RNF130: variants seen among roughly 807,000 people sequenced by gnomAD.
RNF130 encodes the protein ring finger protein 130.
RNF130 carries 21 observed loss-of-function variants against 44.6 expected under a neutral mutation model. The ratio of observed to expected loss-of-function variants is 0.47; its 90% CI spans 0.33 to 0.68. The LOEUF is 0.68. RNF130 is among the 30% of genes least tolerant of loss of function. The probability of loss-of-function intolerance (pLI) is 0.02; values close to 1 mark genes in which losing one functional copy is unlikely to be tolerated. For missense variants in RNF130, 479 were observed against 560.6 expected, an observed-to-expected ratio of 0.85 and a Z score of 1.47; for synonymous variants, 214 against 210.4, an observed-to-expected ratio of 1.02 and a Z score of -0.15.
Position 179,977,575 on chromosome 5 carries a change from G to A in RNF130, c.848+628C>T, listed in dbSNP as rs1452393512. Among the ~76,000 whole-genome samples, 1 of 152,184 alleles carries A rather than the reference G, an allele frequency of 6.6e-6. No homozygotes were observed. The highest frequency in any genetic ancestry group is 2.4e-5 in the African/African-American group (1 of 41,440). ...ACCCCATCTTTAAAGAAAACAGGCC[G>A]GGTGCGGTGGCTCACGCCTGTAATC... is the stretch of plus-strand genomic sequence containing the variant. On this transcript the variant is annotated intron_variant, in intron 5 of 8. Transcript: ENST00000521389. This position sits in a 1 kb window ranked among gnomAD's most constrained non-coding sequence, Gnocchi z 4.1.
At chr5:179,945,253 C>G (rs1762020821) in intron 7 of RNF130, among the ~76,000 whole-genome samples, 1 of 152,090 alleles carries the variant, frequency 6.6e-6, no homozygotes, top group South Asian at 2.1e-4. Context: ...GAGCAAGGCT[C>G]AGTCCCACAC....
At chr5:179,928,780 C>T (rs1269117793) in intron 7 of RNF130, among the ~76,000 whole-genome samples, 1 of 152,072 alleles carries the variant, frequency 6.6e-6, no homozygotes, top group Non-Finnish European at 1.5e-5. Flanking sequence ...AGGCGCCCAC[C>T]ACCACGCCTG....
chr5:179,985,301 T>C (rs1417347530), intron 3 of RNF130, among the ~76,000 whole-genome samples: 1 of 152,120 alleles, frequency 6.6e-6, no homozygotes, highest in Non-Finnish European at 1.5e-5. Context: ...TCATGGCATT[T>C]CCTATAATAA....
chr5:179,957,916 C>T lies in RNF130; in HGVS notation c.1245-2247G>A, dbSNP rs552374912. On this transcript the variant is annotated intron_variant, in intron 8 of 8. Transcript: ENST00000521389. ...TTTTTGAGACGGAGTCTCGCTCTGT[C>T]GCCCAGGCTGGAGTGCAGTGGCGGG... 8.7e-4 allele frequency among the ~76,000 whole-genome samples: 131 copies of T among 150,682 alleles called. 1 individual carries two copies. The East Asian group carries it at 0.014, about 17-fold the overall frequency.
At chr5:180,008,514 A>G (rs1763513194) in intron 3 of RNF130, among the ~76,000 whole-genome samples, 1 of 152,200 alleles carries the variant, frequency 6.6e-6, no homozygotes, top group Non-Finnish European at 1.5e-5. Flanking sequence ...ACTTCAAGAA[A>G]CAGAAGAGAA....
At chr5:179,940,458 C>T (rs955994212) in intron 7 of RNF130, among the ~76,000 whole-genome samples, 3 of 151,916 alleles carry the variant, frequency 2.0e-5, no homozygotes, top group Non-Finnish European at 4.4e-5. Flanking sequence ...AGGCTGGTCT[C>T]GAACTCCTGA....
At chr5:179,963,121 G>A (rs1461513114) in intron 8 of RNF130, among the ~76,000 whole-genome samples, 1 of 152,244 alleles carries the variant, frequency 6.6e-6, no homozygotes, top group Non-Finnish European at 1.5e-5. Context: ...TGAACGCAAA[G>A]TGGGCTCTTC....
chr5:179,986,314 CTCTA>C (rs1561681323), intron 3 of RNF130, among the ~76,000 whole-genome samples: 1 of 152,182 alleles, frequency 6.6e-6, no homozygotes. Context: ...AGCTGAAGAC[CTCTA>C]TCTATGGTAC....
intron 1 of RNF130, among the ~76,000 whole-genome samples, chr5:180,042,728 C>T (rs968894544): frequency 6.6e-6 from 1 of 152,194 alleles, no homozygotes; most frequent in Admixed American, 6.5e-5. Flanking sequence ...TGGAAGAAAA[C>T]GCAAAATCAA....
intron 1 of RNF130, among the ~76,000 whole-genome samples, chr5:180,068,217 G>A (rs1169146302): frequency 6.6e-6 from 1 of 152,208 alleles, no homozygotes; most frequent in African/African-American, 2.4e-5. Context: ...CACACATAAA[G>A]CACATTTACA....
chr5:179,955,300 C>T lies in RNF130; in HGVS notation c.*354G>A, dbSNP rs1279076740. On this transcript the variant is annotated 3_prime_UTR_variant, in exon 9 of 9. Transcript: ENST00000521389. The stretch of plus-strand genomic sequence containing the variant: ...CACCAGCAGGATGTCCCCGCTCTTG[C>T]GCCCTATGTGGGTAGGAGCCAATGT... The T allele has an allele frequency of 3.4e-5, 7 of 207,346 alleles. No homozygotes were observed. Among genetic ancestry groups the T allele is most frequent in the South Asian group, 1.8e-4 (1 of 5,572 alleles). The allele number at this position is 207,346 out of a possible 1,614,324, so 12.8% of individuals were successfully genotyped here.
intron 2 of RNF130, among the ~76,000 whole-genome samples, chr5:180,028,309 T>C (rs1764039143): frequency 6.6e-6 from 1 of 152,204 alleles, no homozygotes; most frequent in Non-Finnish European, 1.5e-5. Flanking sequence ...ACCATGTGTG[T>C]CTTGTTTATG....
intron 4 of RNF130, 107 bp from the exon 5 acceptor site, chr5:179,978,392 T>C (rs1019615054): frequency 2.7e-6 from 2 of 735,478 alleles, no homozygotes; most frequent in Non-Finnish European, 2.3e-6. Flanking sequence ...TAAGCAAGTG[T>C]TATAAACTGA....
intron 7 of RNF130, among the ~76,000 whole-genome samples, chr5:179,929,034 CT>C (rs1429095766): frequency 6.6e-6 from 1 of 152,134 alleles, no homozygotes; most frequent in East Asian, 1.9e-4. Flanking sequence ...TTGAAGAAGT[CT>C]TTGCCTATCT....
exon 8 of RNF130, chr5:179,913,129 A>T (rs1375945857): frequency 1.3e-5 from 2 of 152,246 alleles, no homozygotes; most frequent in African/African-American, 4.8e-5. Context: ...CCCACAGGAG[A>T]ATGCACGTGC....
At chr5:180,046,301 G>A (rs1764565818) in intron 1 of RNF130, among the ~76,000 whole-genome samples, 1 of 152,156 alleles carries the variant, frequency 6.6e-6, no homozygotes, top group Admixed American at 6.5e-5. Context: ...TGCAGTGGTG[G>A]GCTGAAGGGC....
chr5:179,980,674 GT>G (rs1762813347), intron 3 of RNF130, among the ~76,000 whole-genome samples: 1 of 152,220 alleles, frequency 6.6e-6, no homozygotes, highest in African/African-American at 2.4e-5. Context: ...GCATCATCAA[GT>G]GTGAAGAGAA....
At chr5:180,044,412 T>C (rs940472441) in intron 1 of RNF130, among the ~76,000 whole-genome samples, 2 of 152,196 alleles carry the variant, frequency 1.3e-5, no homozygotes, top group African/African-American at 4.8e-5. Context: ...GAGACTTATT[T>C]ACCTCTTGAC....
intron 1 of RNF130, among the ~76,000 whole-genome samples, chr5:180,067,373 CA>C (rs1582236919): frequency 6.6e-6 from 1 of 152,124 alleles, no homozygotes; most frequent in African/African-American, 2.4e-5. Flanking sequence ...ACGTCTTCAT[CA>C]AAATCACTGG....
Sources: allele counts gnomAD v4.1 joint callset (sites outside exome capture counted in the v4.1 genomes callset), GRCh38; gene constraint gnomAD v4.1.1; non-coding constraint Gnocchi (gnomAD v3.1); transcripts MANE v1.5; gene names NCBI Gene and HGNC (gene_info 2026-07-23, HGNC 2026-07-21).